PBX1: variants seen among roughly 807,000 people sequenced by gnomAD.
PBX1 encodes the protein pre-B-cell leukemia transcription factor 1.
In PBX1, 6 loss-of-function variants were observed where a neutral mutation model predicts 53.4. The observed-to-expected ratio is 0.11, with a 90% CI of 0.06 to 0.22. The LOEUF (loss-of-function observed/expected upper bound fraction) is 0.22. Among genes scored for constraint, PBX1 ranks in the 10% least tolerant of loss-of-function variants. The probability of loss-of-function intolerance (pLI) is 1.00; values close to 1 mark genes in which losing one functional copy is unlikely to be tolerated. For missense variants in PBX1, 251 were observed against 551.4 expected (o/e 0.46, Z 5.46); for synonymous variants, 204 against 212.3 (o/e 0.96, Z 0.34).
At chr1:164,643,030 G>C (rs914322827) in intron 2 of PBX1, among the ~76,000 whole-genome samples, 2 of 152,100 alleles carry the variant, frequency 1.3e-5, no homozygotes, top group African/African-American at 4.8e-5. Flanking sequence ...GAGCCTCCTG[G>C]GCATTAATTC....
At chr1:164,761,135 A>G (rs1018121731) in intron 2 of PBX1, among the ~76,000 whole-genome samples, 6 of 152,144 alleles carry the variant, frequency 3.9e-5, no homozygotes, top group African/African-American at 7.2e-5. Context: ...CATACCCTTA[A>G]AAGTACTGTC....
intron 2 of PBX1, among the ~76,000 whole-genome samples, chr1:164,719,751 T>C (rs1664301301): frequency 6.6e-6 from 1 of 152,140 alleles, no homozygotes; most frequent in South Asian, 2.1e-4. Context: ...GTCTGGGCAC[T>C]GGAAAGCACA....
chr1:164,569,749 C>T (rs1048463814), intron 2 of PBX1, among the ~76,000 whole-genome samples: 6 of 151,738 alleles, frequency 4.0e-5, no homozygotes, highest in African/African-American at 9.7e-5. Context: ...TTACTAGAGA[C>T]GAGGTTTCGC....
chr1:164,723,285 G>C (rs996914928), intron 2 of PBX1, among the ~76,000 whole-genome samples: 1 of 152,162 alleles, frequency 6.6e-6, no homozygotes, highest in Admixed American at 6.5e-5. Flanking sequence ...AGAGGGAAGA[G>C]AGGCACAGTG....
chr1:164,789,638 G>T (rs556348927), intron 2 of PBX1, among the ~76,000 whole-genome samples: 2 of 152,318 alleles, frequency 1.3e-5, no homozygotes, highest in East Asian at 3.9e-4. Context: ...CCATTAATAG[G>T]ACATCATTCT....
intron 2 of PBX1, among the ~76,000 whole-genome samples, chr1:164,583,639 G>A (rs1654771805): frequency 6.6e-6 from 1 of 152,170 alleles, no homozygotes; most frequent in South Asian, 2.1e-4. Flanking sequence ...AAAATGAAGA[G>A]TATAAAAAGC....
chr1:164,766,281 C>T (rs763991042), intron 2 of PBX1, among the ~76,000 whole-genome samples: 2 of 152,264 alleles, frequency 1.3e-5, no homozygotes, highest in Non-Finnish European at 2.9e-5. Flanking sequence ...CTGGACTGAG[C>T]AGTGATTGTA....
intron 6 of PBX1, 66 bp from the exon 7 acceptor site, chr1:164,820,006 C>T: frequency 1.1e-6 from 1 of 878,324 alleles, no homozygotes; most frequent in Non-Finnish European, 1.9e-6. Flanking sequence ...TTCCTCTTGG[C>T]TGTTAGTTGC....
chr1:164,825,511 A>G (rs765244220), intron 8 of PBX1, among the ~76,000 whole-genome samples: 10 of 152,246 alleles, frequency 6.6e-5, no homozygotes, highest in Non-Finnish European at 1.0e-4. Flanking sequence ...AGCCACATCT[A>G]GTGTACCAGC....
intron 2 of PBX1, among the ~76,000 whole-genome samples, chr1:164,870,327 TTCTTTC>T (rs1396231624): frequency 6.9e-4 from 81 of 117,002 alleles, no homozygotes; most frequent in Non-Finnish European, 1.1e-3. Flanking sequence ...CTTTCTTTCT[TTCTTTC>T]TTTCTTTCTT....
intron 2 of PBX1, chr1:164,703,373 C>G (rs758774028): frequency 2.0e-5 from 3 of 149,820 alleles, no homozygotes; most frequent in Non-Finnish European, 4.5e-5. Context: ...AGGTGGAAAG[C>G]CGAGCAACTT....
At chr1:164,791,906 C>G (rs996195719) in intron 2 of PBX1, among the ~76,000 whole-genome samples, 1 of 152,040 alleles carries the variant, frequency 6.6e-6, no homozygotes, top group East Asian at 1.9e-4. Context: ...CTCACTGCAG[C>G]CTCCGCCTCC....
intron 2 of PBX1, among the ~76,000 whole-genome samples, chr1:164,714,085 G>T (rs888018071): frequency 2.0e-5 from 3 of 152,194 alleles, no homozygotes; most frequent in Non-Finnish European, 4.4e-5. Flanking sequence ...TGTTTTTAAA[G>T]ATCCAAACTA....
intron 2 of PBX1, among the ~76,000 whole-genome samples, chr1:164,629,405 A>G (rs1892173): frequency 0.98 from 149,073 of 152,190 alleles, 73,081 homozygotes; most frequent in Middle Eastern, 1. Flanking sequence ...TACCATGTGC[A>G]TTTTTCAGTC....
chr1:164,668,310 C>G (rs748087678), intron 2 of PBX1, among the ~76,000 whole-genome samples: 1 of 152,176 alleles, frequency 6.6e-6, no homozygotes, highest in Non-Finnish European at 1.5e-5. Flanking sequence ...TGTTTCCCCA[C>G]CAGACCCGAT....
chr1:164,643,354 A>G (rs1659260002), intron 2 of PBX1, among the ~76,000 whole-genome samples: 1 of 152,192 alleles, frequency 6.6e-6, no homozygotes, highest in South Asian at 2.1e-4. Flanking sequence ...TCCACCTAAT[A>G]AAAAGAAAGG....
intron 2 of PBX1, among the ~76,000 whole-genome samples, chr1:164,669,984 A>G (rs534491048): frequency 5.7e-4 from 86 of 152,148 alleles, no homozygotes; most frequent in African/African-American, 2.0e-3. Flanking sequence ...CACCCTTCCA[A>G]TTCCAAAGCT....
chr1:164,591,621 G>T (rs1046972374), intron 2 of PBX1, among the ~76,000 whole-genome samples: 1 of 152,180 alleles, frequency 6.6e-6, no homozygotes, highest in African/African-American at 2.4e-5. Context: ...CTGTCATGGC[G>T]CTGCTTTCTT....
intron 2 of PBX1, chr1:164,774,591 G>C (rs191716917): frequency 1.1e-4 from 16 of 152,276 alleles, no homozygotes; most frequent in African/African-American, 3.6e-4. Context: ...GACCAAGTGA[G>C]GGCGGAGTTT....
Sources: gnomAD v4.1 joint callset for allele counts (sites outside exome capture counted in the v4.1 genomes callset) on GRCh38, gnomAD v4.1.1 for gene constraint, MANE v1.5 for transcripts, NCBI Gene and HGNC (gene_info 2026-07-23, HGNC 2026-07-21) for gene names.